CACHD1: variants seen among roughly 807,000 people sequenced by gnomAD.
CACHD1 encodes the protein cache domain containing 1.
Under a neutral mutation model 138.7 loss-of-function variants are expected in CACHD1, and 71 were observed. The observed-to-expected ratio is 0.51, with a 90% CI of 0.42 to 0.62. CACHD1 has a LOEUF of 0.62. Ranked by LOEUF, CACHD1 falls within the 20% of genes least tolerant of loss-of-function variation. The pLI is 0.00. For missense variants in CACHD1, 1,389 were observed against 1,625.3 expected (o/e 0.85, Z 2.50); for synonymous variants, 578 against 591.5 (o/e 0.98, Z 0.33).
intron 3 of CACHD1, among the ~76,000 whole-genome samples, chr1:64,586,330 C>T (rs1047329521): frequency 5.9e-5 from 9 of 152,230 alleles, no homozygotes; most frequent in African/African-American, 2.2e-4. Context: ...TCCCAAAGTG[C>T]TGGAATTACA....
At chr1:64,535,702 T>C (rs764342000) in intron 1 of CACHD1, among the ~76,000 whole-genome samples, 2 of 152,120 alleles carry the variant, frequency 1.3e-5, no homozygotes, top group African/African-American at 2.4e-5. Context: ...AGTAGAAATG[T>C]CTCCATTTGA....
chr1:64,668,245 T>G (rs1207923674), intron 16 of CACHD1, among the ~76,000 whole-genome samples: 2 of 151,178 alleles, frequency 1.3e-5, no homozygotes, highest in Non-Finnish European at 2.9e-5. Context: ...GAGAATCGCT[T>G]GAACCCGGGA....
At chr1:64,540,351 G>A (rs911633373) in intron 1 of CACHD1, among the ~76,000 whole-genome samples, 3 of 152,040 alleles carry the variant, frequency 2.0e-5, no homozygotes, top group African/African-American at 7.2e-5. Flanking sequence ...TTGGGAGAGT[G>A]AAAATAGGGG....
intron 4 of CACHD1, among the ~76,000 whole-genome samples, chr1:64,607,183 T>C (rs1647367664): frequency 6.6e-6 from 1 of 152,056 alleles, no homozygotes. Context: ...GCTTTACTGC[T>C]GAGGTGACAC....
At chr1:64,581,202 A>G (rs1024699313) in intron 2 of CACHD1, among the ~76,000 whole-genome samples, 1 of 152,204 alleles carries the variant, frequency 6.6e-6, no homozygotes, top group Non-Finnish European at 1.5e-5. Flanking sequence ...GCTTGAAAAT[A>G]ACAAATGAAG....
intron 1 of CACHD1, among the ~76,000 whole-genome samples, chr1:64,477,223 AG>A (rs1366409641): frequency 6.6e-6 from 1 of 152,226 alleles, no homozygotes; most frequent in East Asian, 1.9e-4. Flanking sequence ...ATTTAGTGCC[AG>A]GGCACAGAAC....
At chr1:64,526,909 G>A (rs962111294) in intron 1 of CACHD1, among the ~76,000 whole-genome samples, 4 of 152,108 alleles carry the variant, frequency 2.6e-5, no homozygotes, top group Non-Finnish European at 2.9e-5. Context: ...TATTCCTCTA[G>A]GGAAAGGAAA....
At position 64,534,640 on chromosome 1, in the gene CACHD1, A is replaced by G. The variant is rs746966330; in HGVS notation, c.199-15954A>G. ...CTTGCACTTGCCTCTTCTCCCTTGC[A>G]CTCTGAGCAATTCAAGGGCAGGACT... is the stretch of plus-strand genomic sequence containing the variant. On this transcript the variant is annotated intron_variant, in intron 1 of 26. Transcript: ENST00000651257. Among the ~76,000 whole-genome samples the G allele has an allele frequency of 2.2e-4, 34 of 152,160 alleles. 1 individual carries two copies. The South Asian group carries it at 3.3e-3, about 15-fold the overall frequency.
chr1:64,555,100 C>T (rs776727161), intron 2 of CACHD1, among the ~76,000 whole-genome samples: 15 of 152,066 alleles, frequency 9.9e-5, no homozygotes, highest in East Asian at 1.9e-4. Context: ...GCATTCCTCC[C>T]GCTTCAGCCT....
chr1:64,681,213 TG>T, intron 24 of CACHD1, 44 bp from the exon 25 acceptor site: 1 of 1,473,576 alleles, frequency 6.8e-7, no homozygotes, highest in East Asian at 2.3e-5. Flanking sequence ...CGGGTGATTT[TG>T]TTTGATTAAA....
At chr1:64,525,073 C>A (rs1318049367) in intron 1 of CACHD1, among the ~76,000 whole-genome samples, 1 of 152,122 alleles carries the variant, frequency 6.6e-6, no homozygotes, top group Non-Finnish European at 1.5e-5. Flanking sequence ...CACCAGTGGA[C>A]CATCTCTGTG....
chr1:64,677,127 T>C (rs1292985927), intron 22 of CACHD1, 116 bp downstream of exon 22: 2 of 772,996 alleles, frequency 2.6e-6, no homozygotes, highest in Non-Finnish European at 2.1e-6. Flanking sequence ...TCCATAAGCC[T>C]TTACCCACCA....
rs114100084 is a variant in CACHD1, at chr1:64,660,347, G to T, written c.1951+1474G>T. On this transcript the variant is annotated intron_variant, in intron 13 of 26. Coordinates refer to ENST00000651257, the MANE Select transcript of CACHD1 (RefSeq NM_020925.4). ...TTCCAATATGGCAGCCACTAGCCAC[G>T]TGTAGCTATTGGGCACTTTAAATAT... is the stretch of plus-strand genomic sequence containing the variant. Among the ~76,000 whole-genome samples the T allele has an allele frequency of 5.2e-3, 791 of 152,166 alleles. 8 individuals carry two copies. Among genetic ancestry groups the T allele is most frequent in the African/African-American group, 0.018 (757 of 41,520 alleles).
At chr1:64,622,767 G>GGT in intron 4 of CACHD1, among the ~76,000 whole-genome samples, 1 of 152,224 alleles carries the variant, frequency 6.6e-6, no homozygotes, top group East Asian at 1.9e-4. Flanking sequence ...AAACCCATAA[G>GGT]GTAATTGTGA....
intron 8 of CACHD1, among the ~76,000 whole-genome samples, chr1:64,644,749 A>C (rs1206501312): frequency 6.6e-6 from 1 of 152,246 alleles, no homozygotes; most frequent in African/African-American, 2.4e-5. Flanking sequence ...ACTTACAAAT[A>C]GGGAAACAGA....
chr1:64,627,791 G>GAT (rs2100630692), intron 4 of CACHD1, among the ~76,000 whole-genome samples: 1 of 152,206 alleles, frequency 6.6e-6, no homozygotes, highest in African/African-American at 2.4e-5. Flanking sequence ...TACTAGCTGT[G>GAT]GATATTCATT....
chr1:64,527,241 T>G (rs1196463029), intron 1 of CACHD1, among the ~76,000 whole-genome samples: 1 of 152,194 alleles, frequency 6.6e-6, no homozygotes, highest in Non-Finnish European at 1.5e-5. Context: ...GCCTTGAAGC[T>G]GGGATCCATC....
intron 5 of CACHD1, 69 bp downstream of exon 5, chr1:64,629,550 C>T (rs966103858): frequency 2.7e-6 from 4 of 1,509,026 alleles, no homozygotes; most frequent in Non-Finnish European, 2.7e-6. Flanking sequence ...TATAAAACTT[C>T]TCATTTCTAC....
At position 64,691,951 on chromosome 1, in the gene CACHD1, A is replaced by G. The variant is rs963006661; in HGVS notation, c.*390A>G. On this transcript the variant is annotated 3_prime_UTR_variant, in exon 27 of 27. Coordinates refer to ENST00000651257, the MANE Select transcript of CACHD1 (RefSeq NM_020925.4). ...GGAAGAGAGAAAAATCTGCTCACCC[A>G]GAGACTGGAATGTGGCACATGCAGA... 8.5e-6 allele frequency: 2 copies of G among 235,750 alleles called. No homozygotes were observed. Among genetic ancestry groups the G allele is most frequent in the South Asian group, 7.8e-5 (1 of 12,748 alleles). The allele number at this position is 235,750 out of a possible 1,614,324, so 14.6% of individuals were successfully genotyped here. A position where few individuals can be genotyped will look rare whatever the true frequency, so the allele number is the denominator to read the frequency against.
Sources: gnomAD v4.1 joint callset for allele counts (sites outside exome capture counted in the v4.1 genomes callset) on GRCh38, gnomAD v4.1.1 for gene constraint, MANE v1.5 for transcripts, NCBI Gene and HGNC (gene_info 2026-07-23, HGNC 2026-07-21) for gene names.